EXT1: variants seen among roughly 807,000 people sequenced by gnomAD.
EXT1 encodes the protein exostosin-1.
EXT1 carries 20 observed loss-of-function variants against 82.5 expected under a neutral mutation model. That is an observed-to-expected ratio of 0.24 (90% CI 0.17 to 0.35). EXT1 has a LOEUF of 0.35. Among genes scored for constraint, EXT1 ranks in the 10% least tolerant of loss-of-function variants. EXT1 has a pLI of 1.00. For missense variants in EXT1, 757 were observed against 936.5 expected, an observed-to-expected ratio of 0.81 and a Z score of 2.50; for synonymous variants, 348 against 350.8, an observed-to-expected ratio of 0.99 and a Z score of 0.09.
Position 117,798,095 on chromosome 8 carries a change from C to T in EXT1, c.*1617G>A, listed in dbSNP as rs1182471830. On this transcript the variant is annotated 3_prime_UTR_variant, in exon 11 of 11. Transcript: ENST00000378204. ...CTCCTCTTCCTCTCCCAGATGTCTA[C>T]AAAGAAAGGATGAGGTAAAGTCCAA... 6.6e-6 allele frequency: 1 copy of T among 152,196 alleles called. No homozygotes were observed. The highest frequency in any genetic ancestry group is 6.5e-5 in the Admixed American group (1 of 15,280). 9.4% of individuals were successfully genotyped at this position (152,196 alleles called of 1,614,324 possible).
At chr8:118,093,798 G>A (rs1817562767) in intron 1 of EXT1, among the ~76,000 whole-genome samples, 2 of 152,152 alleles carry the variant, frequency 1.3e-5, no homozygotes, top group African/African-American at 4.8e-5. Context: ...GTTTTACCTT[G>A]GCCCTGTTAT....
intron 1 of EXT1, among the ~76,000 whole-genome samples, chr8:117,891,060 G>A (rs1193511281): frequency 3.3e-5 from 5 of 152,156 alleles, no homozygotes; most frequent in African/African-American, 1.2e-4. Context: ...GGGATTTATG[G>A]TGACTTATTT....
intron 1 of EXT1, among the ~76,000 whole-genome samples, chr8:118,037,648 T>C (rs1250995758): frequency 1.3e-5 from 2 of 152,168 alleles, no homozygotes; most frequent in Non-Finnish European, 2.9e-5. Flanking sequence ...GTATGCTTTA[T>C]ACAGTTTCAC....
intron 1 of EXT1, among the ~76,000 whole-genome samples, chr8:117,858,791 A>AGGCAGGC (rs1554581729): frequency 8.0e-4 from 47 of 58,476 alleles, no homozygotes; most frequent in African/African-American, 2.7e-3. Context: ...GCAGGCAGGC[A>AGGCAGGC]AGGCAAGGCA....
chr8:117,953,312 TA>T (rs1383959628), intron 1 of EXT1, among the ~76,000 whole-genome samples: 2 of 152,172 alleles, frequency 1.3e-5, no homozygotes, highest in East Asian at 3.8e-4. Context: ...ATTCACTGAA[TA>T]AAACCTAGTG....
At chr8:117,821,930 T>C (rs1035324568) in intron 5 of EXT1, among the ~76,000 whole-genome samples, 3 of 152,214 alleles carry the variant, frequency 2.0e-5, no homozygotes, top group Non-Finnish European at 2.9e-5. Flanking sequence ...AAAGCAGAGA[T>C]TGTATCTTAT....
At chr8:117,979,179 C>A (rs913896571) in intron 1 of EXT1, among the ~76,000 whole-genome samples, 4 of 152,014 alleles carry the variant, frequency 2.6e-5, no homozygotes, top group African/African-American at 9.7e-5. Flanking sequence ...ATGGTGAAAT[C>A]CCATCTCTAC....
chr8:118,027,684 A>G (rs1816228746), intron 1 of EXT1, among the ~76,000 whole-genome samples: 1 of 152,158 alleles, frequency 6.6e-6, no homozygotes, highest in South Asian at 2.1e-4. Flanking sequence ...GTCACTTCCC[A>G]TGCCCCCATA....
At chr8:118,054,969 T>TAC (rs1816773785) in intron 1 of EXT1, among the ~76,000 whole-genome samples, 1 of 151,654 alleles carries the variant, frequency 6.6e-6, no homozygotes, top group Non-Finnish European at 1.5e-5. Flanking sequence ...TATATATATA[T>TAC]ATAAATTTTT....
At chr8:117,969,748 GAAACCTTTCTCGC>G (rs1174722150) in intron 1 of EXT1, among the ~76,000 whole-genome samples, 1 of 152,226 alleles carries the variant, frequency 6.6e-6, no homozygotes, top group Non-Finnish European at 1.5e-5. Context: ...GGTTGAGATG[GAAACCTTTCTCGC>G]AAGCTTATTG....
At chr8:117,939,418 A>G (rs1348948200) in intron 1 of EXT1, among the ~76,000 whole-genome samples, 3 of 151,888 alleles carry the variant, frequency 2.0e-5, no homozygotes, top group Non-Finnish European at 4.4e-5. Flanking sequence ...AAAAATACAA[A>G]ATTAGCAGGG....
At chr8:117,992,986 ACT>A (rs1332318494) in intron 1 of EXT1, among the ~76,000 whole-genome samples, 2 of 152,180 alleles carry the variant, frequency 1.3e-5, no homozygotes, top group African/African-American at 4.8e-5. Context: ...TGTGCAAAAA[ACT>A]CTTCCTTCCA....
chr8:117,819,587 G>A (rs545949173), intron 6 of EXT1, 89 bp downstream of exon 6: 46 of 1,098,412 alleles, frequency 4.2e-5, no homozygotes, highest in Non-Finnish European at 5.9e-5. Flanking sequence ...GGGGAGCCTG[G>A]GGAGCCCGGG....
intron 1 of EXT1, among the ~76,000 whole-genome samples, chr8:117,922,009 C>T (rs1459729737): frequency 1.3e-5 from 2 of 150,488 alleles, no homozygotes; most frequent in African/African-American, 4.9e-5. Context: ...ACAAAAATTA[C>T]AGCTTTAAAA....
At chr8:117,817,616 G>C (rs1811845382) in intron 7 of EXT1, among the ~76,000 whole-genome samples, 4 of 152,216 alleles carry the variant, frequency 2.6e-5, no homozygotes, top group African/African-American at 7.2e-5. Context: ...TGGGAATGTT[G>C]ACAAGCAGAG....
intron 1 of EXT1, among the ~76,000 whole-genome samples, chr8:118,042,294 T>TTTTTG (rs1347391638): frequency 1.4e-5 from 2 of 148,132 alleles, no homozygotes; most frequent in Non-Finnish European, 2.9e-5. Flanking sequence ...TTAGTTTTGT[T>TTTTTG]TTTTGTTTTG....
At chr8:117,818,214 C>T (rs974025657) in intron 7 of EXT1, among the ~76,000 whole-genome samples, 21 of 152,190 alleles carry the variant, frequency 1.4e-4, no homozygotes, top group Non-Finnish European at 2.5e-4. Context: ...TAAGTATACA[C>T]ACAAGGTCAC....
In EXT1 at chr8:117,967,682, T is replaced by C. The variant is rs568747360; in HGVS notation, c.963-130481A>G. Among the ~76,000 whole-genome samples, 5 of 152,340 alleles carry C rather than the reference T, an allele frequency of 3.3e-5. No homozygotes were observed. In the South Asian group the frequency reaches 1.0e-3, roughly 32 times the overall value. ...CAATCATCCCCTTTAATAATGGAAC[T>C]ATGGCTATTATTACGGTTGTTGCTA... On this transcript the variant is annotated intron_variant, in intron 1 of 10. Coordinates refer to ENST00000378204, the MANE Select transcript of EXT1 (RefSeq NM_000127.3).
At chr8:117,954,998 G>A (rs1814559662) in intron 1 of EXT1, among the ~76,000 whole-genome samples, 1 of 152,190 alleles carries the variant, frequency 6.6e-6, no homozygotes, top group African/African-American at 2.4e-5. Context: ...CAAGTCAGGG[G>A]ATCTCATGAC....
Sources: gnomAD v4.1 joint callset for allele counts (sites outside exome capture counted in the v4.1 genomes callset) on GRCh38, gnomAD v4.1.1 for gene constraint, MANE v1.5 for transcripts, NCBI Gene and HGNC (gene_info 2026-07-23, HGNC 2026-07-21) for gene names.